Variants in ANK3 observed in about 807,000 individuals in gnomAD.
ANK3 encodes ankyrin-3.
A neutral mutation model predicts 370.9 loss-of-function variants in ANK3; 57 were observed. That is an observed-to-expected ratio of 0.15 (90% CI 0.12 to 0.19). The LOEUF (loss-of-function observed/expected upper bound fraction) is 0.19, where lower values mean the gene tolerates loss of function less well. Ranked by LOEUF, ANK3 falls within the 10% of genes least tolerant of loss-of-function variation. The pLI, the probability that ANK3 is intolerant of heterozygous loss-of-function variation, is 1.00. For synonymous variants in ANK3, 1,929 were observed against 1,946.3 expected (o/e 0.99, Z 0.23); for missense variants, 4,439 against 5,302.1 (o/e 0.84, Z 5.06).
At chr10:60,559,297 T>C (rs536769070) in intron 2 of ANK3, among the ~76,000 whole-genome samples, 2 of 152,140 alleles carry the variant, frequency 1.3e-5, no homozygotes, top group Non-Finnish European at 2.9e-5. Flanking sequence ...CCAGAGTCCA[T>C]TGTATCATTC....
At chr10:60,359,277 CA>C in intron 1 of ANK3, among the ~76,000 whole-genome samples, 1 of 152,216 alleles carries the variant, frequency 6.6e-6, no homozygotes, top group Non-Finnish European at 1.5e-5. Flanking sequence ...CTCACTCTCC[CA>C]ATTTGATTGA....
intron 2 of ANK3, among the ~76,000 whole-genome samples, chr10:60,602,957 T>G (rs137876099): frequency 2.0e-5 from 3 of 152,214 alleles, no homozygotes; most frequent in African/African-American, 4.8e-5. Context: ...TTCCTTCTTA[T>G]AGGTTCATCA....
chr10:60,124,890 C>T (rs781667365), intron 25 of ANK3, among the ~76,000 whole-genome samples: 29 of 152,260 alleles, frequency 1.9e-4, no homozygotes, highest in Non-Finnish European at 4.1e-4. Context: ...AATACCCCTT[C>T]CATTAGGTAG....
At chr10:60,399,764 TA>T (rs2063317442) in intron 2 of ANK3, among the ~76,000 whole-genome samples, 1 of 152,176 alleles carries the variant, frequency 6.6e-6, no homozygotes. Flanking sequence ...ACAAACCAAA[TA>T]ATTTAATGAA....
intron 2 of ANK3, among the ~76,000 whole-genome samples, chr10:60,478,938 C>T (rs756044892): frequency 1.6e-4 from 24 of 151,996 alleles, no homozygotes; most frequent in Non-Finnish European, 3.4e-4. Context: ...TCTTGGCATA[C>T]GAACACGGTG....
At chr10:60,641,397 T>C (rs1420708090) in intron 1 of ANK3, among the ~76,000 whole-genome samples, 1 of 152,112 alleles carries the variant, frequency 6.6e-6, no homozygotes, top group Non-Finnish European at 1.5e-5. Flanking sequence ...AAGGCTACAG[T>C]AACCAAAACA....
intron 24 of ANK3, among the ~76,000 whole-genome samples, chr10:60,137,926 A>G (rs1469051016): frequency 1.3e-5 from 2 of 152,168 alleles, no homozygotes; most frequent in Non-Finnish European, 1.5e-5. Context: ...ATCGCCTAAA[A>G]GATTGCATAT....
chr10:60,062,571 C>T (rs2080793250), intron 40 of ANK3: 1 of 152,134 alleles, frequency 6.6e-6, no homozygotes, highest in Admixed American at 6.5e-5. Flanking sequence ...GTTAAAATAA[C>T]AACGAACGCT....
At chr10:60,089,770 G>C (rs1371138284) in intron 28 of ANK3, among the ~76,000 whole-genome samples, 6 of 151,750 alleles carry the variant, frequency 4.0e-5, no homozygotes, top group Admixed American at 1.3e-4. Context: ...CAATAATAGA[G>C]AATCAAGAAA....
chr10:60,579,908 A>G (rs557253905), intron 2 of ANK3, among the ~76,000 whole-genome samples: 164 of 152,312 alleles, frequency 1.1e-3, no homozygotes, highest in African/African-American at 3.7e-3. Flanking sequence ...AGAAAATCCT[A>G]TAAGAATCAG....
intron 23 of ANK3, chr10:60,140,116 C>A (rs113389005): frequency 5.4e-6 from 3 of 558,992 alleles, no homozygotes; most frequent in South Asian, 5.1e-5. Flanking sequence ...TTACATTTTC[C>A]ATTCATTTAA....
intron 36 of ANK3, among the ~76,000 whole-genome samples, chr10:60,079,198 C>CACACACACAT (rs1189437563): frequency 1.3e-5 from 2 of 150,714 alleles, no homozygotes; most frequent in East Asian, 3.9e-4. Flanking sequence ...CACACACACA[C>CACACACACAT]ACACACACAC....
chr10:60,634,592 G>A (rs760017542), intron 1 of ANK3, among the ~76,000 whole-genome samples: 3 of 152,194 alleles, frequency 2.0e-5, no homozygotes, highest in Admixed American at 6.5e-5. Context: ...GGCCAAATAA[G>A]GGAATAAAAG....
intron 2 of ANK3, among the ~76,000 whole-genome samples, chr10:60,535,143 G>C (rs549178963): frequency 6.6e-6 from 1 of 152,204 alleles, no homozygotes; most frequent in East Asian, 1.9e-4. Flanking sequence ...ACTGTAGACT[G>C]GCAGCCTTAA....
chr10:60,703,706 C>T (rs996356018), intron 1 of ANK3, among the ~76,000 whole-genome samples: 1 of 152,196 alleles, frequency 6.6e-6, no homozygotes, highest in Middle Eastern at 3.4e-3. Flanking sequence ...GTATCTACCA[C>T]CTAGTATAAA....
At chr10:60,570,025 T>A (rs925948827) in intron 2 of ANK3, among the ~76,000 whole-genome samples, 2 of 152,176 alleles carry the variant, frequency 1.3e-5, no homozygotes, top group Non-Finnish European at 2.9e-5. Context: ...TATATATATG[T>A]ATACATATTT....
intron 2 of ANK3, among the ~76,000 whole-genome samples, chr10:60,427,579 T>C (rs1287641880): frequency 1.3e-5 from 2 of 151,682 alleles, no homozygotes; most frequent in Non-Finnish European, 2.9e-5. Context: ...AAGTGGCACA[T>C]ATCAGAATCA....
chr10:60,572,363 T>G (rs1484421545), intron 2 of ANK3: 1 of 1,196,022 alleles, frequency 8.4e-7, no homozygotes, highest in East Asian at 2.6e-5. Flanking sequence ...TAGCAGCTTC[T>G]TAAAAATCTA....
At position 60,086,803 on chromosome 10, in the gene ANK3, T is replaced by G. The variant is rs1001563939; in HGVS notation, c.3622A>C (p.Arg1208=). ...ATTGGTTTATGGAATTTCCGTCTTC[T>G]TGGTTCCACAGTGACAATTGGGCTA... ...TFSPIVTVEP[R]RRKFHKPITM... Residue 1208 remains arginine (R), a synonymous_variant, in exon 30 of 44, where the codon AGA becomes CGA. Transcript: ENST00000280772. The G allele has an allele frequency of 2.5e-6, 4 of 1,613,998 alleles. No individual in the cohort carries two copies. The highest frequency in any genetic ancestry group is 3.4e-6 in the Non-Finnish European group (4 of 1,180,010).
Sources: gnomAD v4.1 joint callset for allele counts (sites outside exome capture counted in the v4.1 genomes callset) on GRCh38, gnomAD v4.1.1 for gene constraint, MANE v1.5 for transcripts, NCBI Gene and HGNC (gene_info 2026-07-23, HGNC 2026-07-21) for gene names.